The following DCC variants were observed in gnomAD, a reference collection of about 807,000 sequenced individuals.
DCC encodes DCC netrin 1 receptor.
Under a neutral mutation model 172.5 loss-of-function variants are expected in DCC, and 58 were observed. The observed-to-expected ratio is 0.34, with a 90% CI of 0.27 to 0.42. The LOEUF is 0.42. Among genes scored for constraint, DCC ranks in the 10% least tolerant of loss-of-function variants. The probability of loss-of-function intolerance (pLI) is 1.00; values close to 1 mark genes in which losing one functional copy is unlikely to be tolerated. For synonymous variants in DCC, 709 were observed against 644.5 expected, an observed-to-expected ratio of 1.10 and a Z score of -1.52; for missense variants, 1,740 against 1,791.0, an observed-to-expected ratio of 0.97 and a Z score of 0.51.
intron 7 of DCC, among the ~76,000 whole-genome samples, chr18:53,109,715 A>G (rs2043302681): frequency 6.6e-6 from 1 of 151,556 alleles, no homozygotes; most frequent in Admixed American, 6.6e-5. Flanking sequence ...GACTGTCATT[A>G]ACTGAGAAAA....
chr18:52,457,609 T>A (rs1200981922), intron 1 of DCC, among the ~76,000 whole-genome samples: 1 of 152,200 alleles, frequency 6.6e-6, no homozygotes, highest in Non-Finnish European at 1.5e-5. Context: ...TTAAGGTATA[T>A]GTTAGTAAAC....
At chr18:52,838,215 ATTT>A (rs984142563) in intron 2 of DCC, among the ~76,000 whole-genome samples, 2 of 152,132 alleles carry the variant, frequency 1.3e-5, no homozygotes, top group African/African-American at 4.8e-5. Context: ...ACTTTATAAA[ATTT>A]TTATTTGAGG....
intron 12 of DCC, among the ~76,000 whole-genome samples, chr18:53,260,502 A>T (rs2056582496): frequency 6.6e-6 from 1 of 151,934 alleles, no homozygotes; most frequent in Non-Finnish European, 1.5e-5. Context: ...TCAGCAGGAG[A>T]GGCTGCAAAA....
chr18:53,239,185 AAATAT>A (rs1351477155), intron 12 of DCC, among the ~76,000 whole-genome samples: 7 of 150,328 alleles, frequency 4.7e-5, no homozygotes. Flanking sequence ...CTAGAACTTA[AAATAT>A]AATAATAATA....
At chr18:52,716,851 GT>G (rs1278422113) in intron 1 of DCC, among the ~76,000 whole-genome samples, 2 of 152,070 alleles carry the variant, frequency 1.3e-5, no homozygotes, top group Non-Finnish European at 2.9e-5. Context: ...TCTTGAAACT[GT>G]TCTAAAATTT....
chr18:53,329,513 C>T (rs2057507042), intron 14 of DCC, among the ~76,000 whole-genome samples: 2 of 151,612 alleles, frequency 1.3e-5, no homozygotes, highest in African/African-American at 2.4e-5. Flanking sequence ...ATAAAGCAAC[C>T]TAAAATATAA....
chr18:52,466,076 A>G (rs1261093199), intron 1 of DCC, among the ~76,000 whole-genome samples: 1 of 152,170 alleles, frequency 6.6e-6, no homozygotes, highest in East Asian at 1.9e-4. Context: ...TTTTCTTACT[A>G]TTTGATATTC....
chr18:52,886,673 G>A (rs1173206666), intron 2 of DCC, among the ~76,000 whole-genome samples: 1 of 152,058 alleles, frequency 6.6e-6, no homozygotes, highest in Non-Finnish European at 1.5e-5. Context: ...AAAGGGGGAG[G>A]GATGGTGTTG....
chr18:52,961,655 G>A (rs2040844169), intron 5 of DCC, among the ~76,000 whole-genome samples: 1 of 152,154 alleles, frequency 6.6e-6, no homozygotes. Context: ...TTAAGTCATC[G>A]AGTTAGTTTC....
At chr18:53,068,645 T>C (rs562519172) in intron 7 of DCC, among the ~76,000 whole-genome samples, 2 of 151,942 alleles carry the variant, frequency 1.3e-5, no homozygotes, top group Non-Finnish European at 2.9e-5. Context: ...CCAGTGAGCA[T>C]CCCTGTACCT....
intron 7 of DCC, among the ~76,000 whole-genome samples, chr18:53,135,488 AT>A (rs2043727290): frequency 6.6e-6 from 1 of 152,182 alleles, no homozygotes; most frequent in Admixed American, 6.5e-5. Context: ...ACATCTGAAT[AT>A]AATTGTCTAG....
chr18:53,416,368 T>C lies in DCC; in HGVS notation c.3163+212T>C. The C allele has an allele frequency of 5.8e-6, 4 of 694,620 alleles. No individual in the cohort carries two copies. In the Admixed American group the frequency reaches 8.0e-5, roughly 14 times the overall value. 43.0% of individuals were successfully genotyped at this position (694,620 alleles called of 1,614,324 possible). A position where few individuals can be genotyped will look rare whatever the true frequency, so the allele number is the denominator to read the frequency against. On this transcript the variant is annotated intron_variant, in intron 21 of 28. Transcript: ENST00000442544. ...TAAATTTTCTTGAGAGGAAATTGTT[T>C]TGTCTCCATTCTGAAGGACCAATTA...
chr18:52,869,835 G>A (rs563078248), intron 2 of DCC, among the ~76,000 whole-genome samples: 76 of 151,282 alleles, frequency 5.0e-4, no homozygotes, highest in Non-Finnish European at 9.2e-4. Context: ...CAGGAGCTAG[G>A]AGAGGCCAGA....
At chr18:52,701,869 T>G (rs921876546) in intron 1 of DCC, among the ~76,000 whole-genome samples, 1 of 152,202 alleles carries the variant, frequency 6.6e-6, no homozygotes, top group African/African-American at 2.4e-5. Flanking sequence ...TAAACCCCAG[T>G]TACAGGAAGG....
chr18:52,465,723 A>G (rs1214579483), intron 1 of DCC, among the ~76,000 whole-genome samples: 1 of 152,132 alleles, frequency 6.6e-6, no homozygotes, highest in Non-Finnish European at 1.5e-5. Context: ...GGAGGAGTAC[A>G]CACGTTCTCT....
chr18:53,014,282 AATT>A (rs1203716353), intron 5 of DCC, among the ~76,000 whole-genome samples: 3 of 152,072 alleles, frequency 2.0e-5, no homozygotes, highest in African/African-American at 7.2e-5. Flanking sequence ...ACATATGGAT[AATT>A]ATTTTTTTTA....
At chr18:53,386,672 C>T (rs1023515076) in intron 16 of DCC, among the ~76,000 whole-genome samples, 1 of 152,120 alleles carries the variant, frequency 6.6e-6, no homozygotes, top group African/African-American at 2.4e-5. Context: ...CCCAGCAGTG[C>T]CCAGGGCCTC....
chr18:53,466,013 C>G (rs1432727327), intron 24 of DCC, among the ~76,000 whole-genome samples: 1 of 152,166 alleles, frequency 6.6e-6, no homozygotes, highest in Admixed American at 6.5e-5. Context: ...ATCCGCCCAC[C>G]TCAGCCTCCC....
At chr18:53,281,992 T>C (rs181924333) in intron 12 of DCC, among the ~76,000 whole-genome samples, 1 of 152,164 alleles carries the variant, frequency 6.6e-6, no homozygotes, top group Admixed American at 6.6e-5. Context: ...GCACCCTTAG[T>C]TTAGATAGTA....
Sources: gnomAD v4.1 joint callset for allele counts (sites outside exome capture counted in the v4.1 genomes callset) on GRCh38, gnomAD v4.1.1 for gene constraint, MANE v1.5 for transcripts, NCBI Gene and HGNC (gene_info 2026-07-23, HGNC 2026-07-21) for gene names.